The following NPAS3 variants were observed in gnomAD, a reference collection of about 807,000 sequenced individuals.
NPAS3 encodes the protein neuronal PAS domain protein 3, also known as neuronal PAS domain-containing protein 3.
NPAS3 carries 14 observed loss-of-function variants against 73.1 expected under a neutral mutation model. That is an observed-to-expected ratio of 0.19 (90% CI 0.13 to 0.30). NPAS3 has a LOEUF of 0.30. NPAS3 is among the 10% of genes least tolerant of loss of function. NPAS3 has a pLI of 1.00. For missense variants in NPAS3, 1,096 were observed against 1,250.0 expected (o/e 0.88, Z 1.86); for synonymous variants, 620 against 541.5 (o/e 1.14, Z -2.01).
At chr14:33,298,682 A>C (rs2042404557) in intron 3 of NPAS3, among the ~76,000 whole-genome samples, 1 of 152,122 alleles carries the variant, frequency 6.6e-6, no homozygotes, top group South Asian at 2.1e-4. Flanking sequence ...ATGTAATGTC[A>C]TCTTTATTTT....
chr14:33,134,296 T>C (rs2043752775), intron 2 of NPAS3, among the ~76,000 whole-genome samples: 1 of 152,134 alleles, frequency 6.6e-6, no homozygotes, highest in Non-Finnish European at 1.5e-5. Context: ...GACCTCTTTA[T>C]GAATGCAGTT....
intron 1 of NPAS3, among the ~76,000 whole-genome samples, chr14:32,946,353 C>T (rs940829852): frequency 7.1e-6 from 1 of 139,872 alleles, no homozygotes; most frequent in African/African-American, 2.7e-5. Context: ...CACGCGCACA[C>T]ACACACACAC....
At chr14:33,564,164 C>G (rs1256419421) in intron 5 of NPAS3, among the ~76,000 whole-genome samples, 3 of 151,994 alleles carry the variant, frequency 2.0e-5, no homozygotes, top group Non-Finnish European at 4.4e-5. Flanking sequence ...GAAAACACAA[C>G]AAAGAGGCTC....
At chr14:32,970,663 G>A (rs1252221603) in intron 1 of NPAS3, among the ~76,000 whole-genome samples, 1 of 152,142 alleles carries the variant, frequency 6.6e-6, no homozygotes, top group Non-Finnish European at 1.5e-5. Context: ...TCTGAATGCT[G>A]TAAGGGGGAA....
At chr14:33,601,652 A>C (rs2057402199) in intron 5 of NPAS3, among the ~76,000 whole-genome samples, 1 of 152,224 alleles carries the variant, frequency 6.6e-6, no homozygotes, top group Non-Finnish European at 1.5e-5. Flanking sequence ...CTTGGGAACT[A>C]AACCAAAGGC....
At chr14:33,266,890 T>C (rs1457455336) in intron 3 of NPAS3, among the ~76,000 whole-genome samples, 1 of 152,180 alleles carries the variant, frequency 6.6e-6, no homozygotes, top group African/African-American at 2.4e-5. Flanking sequence ...ATATCAAAGG[T>C]CTGAATGCAG....
chr14:32,960,233 C>T (rs2036853820), intron 1 of NPAS3, among the ~76,000 whole-genome samples: 1 of 151,592 alleles, frequency 6.6e-6, no homozygotes, highest in South Asian at 2.1e-4. Flanking sequence ...TTACATATTC[C>T]TTACACTGAT....
intron 5 of NPAS3, among the ~76,000 whole-genome samples, chr14:33,564,617 C>A (rs534720023): frequency 3.3e-5 from 5 of 152,338 alleles, no homozygotes; most frequent in South Asian, 4.1e-4. Flanking sequence ...CCCATACTCA[C>A]ATCCTGCATT....
chr14:33,463,009 C>A (rs1056181797), intron 4 of NPAS3, among the ~76,000 whole-genome samples: 1 of 152,134 alleles, frequency 6.6e-6, no homozygotes, highest in Admixed American at 6.5e-5. Flanking sequence ...TGTGAGTTAA[C>A]GATTTCCTTA....
At chr14:33,709,963 G>A (rs550479754) in intron 6 of NPAS3, among the ~76,000 whole-genome samples, 5 of 152,294 alleles carry the variant, frequency 3.3e-5, no homozygotes, top group South Asian at 4.1e-4. Context: ...CCGAAGTGGC[G>A]ACTTCAACAC....
At chr14:33,273,978 A>C (rs2041217795) in intron 3 of NPAS3, among the ~76,000 whole-genome samples, 1 of 152,336 alleles carries the variant, frequency 6.6e-6, no homozygotes, top group South Asian at 2.1e-4. Flanking sequence ...TTAAAATGTC[A>C]GACAAATTAA....
chr14:33,180,374 A>G (rs1007244119), intron 2 of NPAS3, among the ~76,000 whole-genome samples: 7 of 152,318 alleles, frequency 4.6e-5, no homozygotes, highest in African/African-American at 1.4e-4. Flanking sequence ...CTGTTAAATA[A>G]GAGAAGAAGG....
intron 5 of NPAS3, among the ~76,000 whole-genome samples, chr14:33,613,014 G>A (rs142369680): frequency 6.6e-6 from 1 of 152,320 alleles, no homozygotes; most frequent in East Asian, 1.9e-4. Flanking sequence ...TGTGTTTCAT[G>A]TTTTATAATT....
intron 1 of NPAS3, among the ~76,000 whole-genome samples, chr14:33,016,805 T>C (rs1422156089): frequency 1.3e-5 from 2 of 152,168 alleles, no homozygotes; most frequent in African/African-American, 4.8e-5. Context: ...TACTGTGTCA[T>C]CTTTGTGTTC....
chr14:33,080,602 G>A (rs2041835670), intron 2 of NPAS3, among the ~76,000 whole-genome samples: 1 of 152,186 alleles, frequency 6.6e-6, no homozygotes, highest in South Asian at 2.1e-4. Flanking sequence ...TGAAACCTGA[G>A]TTCACCTCAG....
intron 5 of NPAS3, among the ~76,000 whole-genome samples, chr14:33,664,005 G>A (rs960612126): frequency 6.6e-6 from 1 of 151,188 alleles, no homozygotes; most frequent in Non-Finnish European, 1.5e-5. Context: ...TGGATTCATT[G>A]ATTTTTTTGA....
intron 3 of NPAS3, among the ~76,000 whole-genome samples, chr14:33,336,014 G>A (rs560257139): frequency 1.8e-4 from 28 of 152,254 alleles, no homozygotes; most frequent in African/African-American, 6.5e-4. Flanking sequence ...TAAAGAAAAT[G>A]CAAAACTTTC....
chr14:33,761,403 C>T (rs184308939), intron 7 of NPAS3, among the ~76,000 whole-genome samples: 29 of 152,148 alleles, frequency 1.9e-4, no homozygotes, highest in African/African-American at 6.5e-4. Context: ...TCATTAGAAC[C>T]CTGTGCACTT....
chr14:33,267,789 G>A (rs1047232833), intron 3 of NPAS3, among the ~76,000 whole-genome samples: 3 of 152,128 alleles, frequency 2.0e-5, no homozygotes, highest in Non-Finnish European at 4.4e-5. Context: ...GTAATTGTTT[G>A]AATCCAGCAA....
Sources: gnomAD v4.1 joint callset for allele counts (sites outside exome capture counted in the v4.1 genomes callset) on GRCh38, gnomAD v4.1.1 for gene constraint, MANE v1.5 for transcripts, NCBI Gene and HGNC (gene_info 2026-07-23, HGNC 2026-07-21) for gene names.